PHF24: variants seen among roughly 807,000 people sequenced by gnomAD.
The protein encoded by PHF24 is PHD finger protein 24, also known as Galpha inhibitory interacting protein.
Under a neutral mutation model 42.6 loss-of-function variants are expected in PHF24, and 25 were observed. The observed-to-expected ratio is 0.59, with a 90% CI of 0.43 to 0.82. The LOEUF (loss-of-function observed/expected upper bound fraction) is 0.82. Ranked by LOEUF, PHF24 falls within the 40% of genes least tolerant of loss-of-function variation. PHF24 has a pLI of 0.00. For missense variants in PHF24, 470 were observed against 538.1 expected, an observed-to-expected ratio of 0.87 and a Z score of 1.25; for synonymous variants, 185 against 204.8, an observed-to-expected ratio of 0.90 and a Z score of 0.83.
chr9:34,670,938 G>A, the PHF24 span, among the ~76,000 whole-genome samples: 1 of 152,284 alleles, frequency 6.6e-6, no homozygotes, highest in Admixed American at 6.5e-5. Flanking sequence ...CTATCACAGT[G>A]CCTATATATC....
chr9:34,946,358 ATTCT>A, the PHF24 span, among the ~76,000 whole-genome samples: 1 of 152,164 alleles, frequency 6.6e-6, no homozygotes, highest in Non-Finnish European at 1.5e-5. Context: ...ATAGAAACAG[ATTCT>A]TTCTATTCTG....
At chr9:34,774,665 T>C in the PHF24 span, among the ~76,000 whole-genome samples, 132,606 of 151,978 alleles carry the variant, frequency 0.87, 59,775 homozygotes, top group Non-Finnish European at 0.98. Context: ...TCCAACTATT[T>C]GGGAGGCTGA....
At chr9:34,928,748 C>T in the PHF24 span, among the ~76,000 whole-genome samples, 1 of 152,170 alleles carries the variant, frequency 6.6e-6, no homozygotes, top group Admixed American at 6.5e-5. Flanking sequence ...CTGCTGGACT[C>T]CAATTGAGAT....
At chr9:34,726,612 C>T in the PHF24 span, 65 of 1,551,716 alleles carry the variant, frequency 4.2e-5, no homozygotes, top group African/African-American at 8.1e-4. Context: ...ACATCTGGCA[C>T]TTGAAATTCC....
chr9:34,706,673 G>A, the PHF24 span, among the ~76,000 whole-genome samples: 3 of 152,200 alleles, frequency 2.0e-5, no homozygotes, highest in East Asian at 3.8e-4. Flanking sequence ...TACCAGGCAT[G>A]CAGGTGTGGC....
chr9:34,801,387 A>G, the PHF24 span, among the ~76,000 whole-genome samples: 1 of 152,212 alleles, frequency 6.6e-6, no homozygotes, highest in South Asian at 2.1e-4. Context: ...AAGACTTGGA[A>G]CCAACCCAAA....
At chr9:34,953,669 G>T (rs915394867), upstream of PHF24, among the ~76,000 whole-genome samples, 3 of 152,030 alleles carry the variant, frequency 2.0e-5, no homozygotes, top group Non-Finnish European at 4.4e-5. This position sits in a 1 kb window ranked among gnomAD's most constrained non-coding sequence, Gnocchi z 4.1. Context: ...TTTAGGCTAG[G>T]TGTGGCGGTT....
At chr9:34,928,752 T>C in the PHF24 span, among the ~76,000 whole-genome samples, 2 of 152,198 alleles carry the variant, frequency 1.3e-5, no homozygotes, top group African/African-American at 4.8e-5. Flanking sequence ...TGGACTCCAA[T>C]TGAGATGTAT....
At chr9:34,883,467 T>A in the PHF24 span, among the ~76,000 whole-genome samples, 2 of 152,236 alleles carry the variant, frequency 1.3e-5, no homozygotes, top group Admixed American at 1.3e-4. Context: ...TCTACCCATC[T>A]GACAAAGGGC....
chr9:34,875,936 ACACACACACACACACTCTCTCTCTCT>A, the PHF24 span, among the ~76,000 whole-genome samples: 4 of 87,904 alleles, frequency 4.6e-5, no homozygotes, highest in Middle Eastern at 9.7e-3. Flanking sequence ...ACACACACAC[ACACACACACACACACTCTCTCTCTCT>A]CTCTCTCTCT....
chr9:34,813,162 T>C, the PHF24 span, among the ~76,000 whole-genome samples: 1 of 152,150 alleles, frequency 6.6e-6, no homozygotes. Flanking sequence ...CCCAGATGCC[T>C]TTTTCTTCCC....
At chr9:34,965,632 C>T (rs1391534542) in intron 1 of PHF24, among the ~76,000 whole-genome samples, 1 of 152,206 alleles carries the variant, frequency 6.6e-6, no homozygotes, top group Non-Finnish European at 1.5e-5. Flanking sequence ...AGCTTCATAG[C>T]TATTCTTGGT....
At chr9:34,906,452 G>A in the PHF24 span, among the ~76,000 whole-genome samples, 463 of 152,186 alleles carry the variant, frequency 3.0e-3, 1 homozygote, top group African/African-American at 0.01. Flanking sequence ...AAAATTTGGA[G>A]TCAGCAGAAA....
intron 7 of PHF24, 120 bp downstream of exon 7, chr9:34,977,761 G>A: frequency 1.1e-6 from 1 of 911,238 alleles, no homozygotes; most frequent in Non-Finnish European, 1.7e-6. Flanking sequence ...AAGAAACCAG[G>A]CTCCAAGAGT....
Position 34,969,356 on chromosome 9 carries a change from CTT to C in PHF24, c.-4-1937_-4-1936del. Among the ~76,000 whole-genome samples, 3 of 152,356 alleles carry C rather than the reference CTT, an allele frequency of 2.0e-5. 1 individual carries two copies. The Middle Eastern group carries it at 0.01, about 518-fold the overall frequency. On this transcript the variant is annotated intron_variant, in intron 1 of 7. Transcript: ENST00000242315. ...TAGTTAGTCCATTTAAAACTGCCCT[CTT>C]TCGCCAGGCACGGTGGCTCACGCCT... is the stretch of plus-strand genomic sequence containing the variant.
At chr9:34,717,206 T>A in the PHF24 span, among the ~76,000 whole-genome samples, 2 of 152,124 alleles carry the variant, frequency 1.3e-5, no homozygotes, top group Non-Finnish European at 2.9e-5. Context: ...TGAAAAACTA[T>A]GATTTAGAGT....
chr9:34,939,098 T>C, the PHF24 span, among the ~76,000 whole-genome samples: 7 of 151,794 alleles, frequency 4.6e-5, no homozygotes, highest in Non-Finnish European at 7.4e-5. Context: ...CTGACCAACA[T>C]GGAGAAACCG....
chr9:34,884,196 C>T, the PHF24 span, among the ~76,000 whole-genome samples: 2 of 152,012 alleles, frequency 1.3e-5, no homozygotes, highest in East Asian at 3.9e-4. Flanking sequence ...TGGGGAACAT[C>T]ACACACCAGG....
the PHF24 span, among the ~76,000 whole-genome samples, chr9:34,775,476 C>T: frequency 6.6e-6 from 1 of 152,078 alleles, no homozygotes; most frequent in African/African-American, 2.4e-5. Flanking sequence ...GATGGTTGTA[C>T]AGCAGTGGGA....
Sources: allele counts gnomAD v4.1 joint callset (sites outside exome capture counted in the v4.1 genomes callset), GRCh38; gene constraint gnomAD v4.1.1; non-coding constraint Gnocchi (gnomAD v3.1); transcripts MANE v1.5; gene names NCBI Gene and HGNC (gene_info 2026-07-23, HGNC 2026-07-21).